The following NMUR1 variants were observed in gnomAD, a reference collection of about 807,000 sequenced individuals.
NMUR1 encodes neuromedin-U receptor 1.
In NMUR1, 16 loss-of-function variants were observed where a neutral mutation model predicts 18.8. That is an observed-to-expected ratio of 0.85 (90% CI 0.58 to 1.29). The LOEUF (loss-of-function observed/expected upper bound fraction) is 1.29, where lower values mean the gene tolerates loss of function less well. Among genes scored for constraint, NMUR1 ranks in the 50% most tolerant of loss-of-function variants. The pLI is 0.00. For synonymous variants in NMUR1, 258 were observed against 258.2 expected, an observed-to-expected ratio of 1.00 and a Z score of 0.01; for missense variants, 529 against 580.3, an observed-to-expected ratio of 0.91 and a Z score of 0.91.
At chr2:231,521,973 CTTT>C (rs10625236), downstream of NMUR1, among the ~76,000 whole-genome samples, 2 of 83,824 alleles carry the variant, frequency 2.4e-5, no homozygotes, top group Non-Finnish European at 4.4e-5. Context: ...TTTTTTTTCT[CTTT>C]TTTTTTTTTT....
At chr2:231,528,017 T>G (rs755719461) in intron 2 of NMUR1, 106 bp downstream of exon 2, 15 of 1,191,284 alleles carry the variant, frequency 1.3e-5, no homozygotes, top group Non-Finnish European at 1.7e-5. Context: ...GAGGAGTTCC[T>G]CGTCCCCCAT....
chr2:231,521,926 G>A (rs150991996), downstream of NMUR1, among the ~76,000 whole-genome samples: 47 of 151,098 alleles, frequency 3.1e-4, no homozygotes, highest in African/African-American at 9.7e-4. Context: ...GACGTGCTGC[G>A]GAGACATACA....
chr2:231,525,556 G>T, intron 2 of NMUR1, 131 bp from the exon 3 acceptor site: 1 of 1,059,918 alleles, frequency 9.4e-7, no homozygotes, highest in Non-Finnish European at 1.3e-6. Flanking sequence ...TCACCCAGGT[G>T]GAAGTTTCTG....
rs2047377295 is a variant in NMUR1, at chr2:231,528,303, A to C, written c.718T>G (p.Phe240Val). Residue 240 changes from phenylalanine (F) to valine (V), a missense_variant, in exon 2 of 3, where the codon TTC (phenylalanine) becomes GTC (valine). Transcript: ENST00000305141. ...MVVQTTALLF[F>V]CLPMAIMSVL... ...CTCATGATGGCCATGGGCAGGCAGA[A>C]GAAGAGCAGCGCGGTGGTCTGCACT... The C allele has an allele frequency of 2.5e-6, 4 of 1,613,324 alleles. No homozygotes were observed. The highest frequency in any genetic ancestry group is 3.4e-6 in the Non-Finnish European group (4 of 1,179,420).
chr2:231,525,016 C>T lies in NMUR1; in HGVS notation c.*27G>A, dbSNP rs2047340357. ...AGCTCCAGGTGACCCTCTGGCCCCTCCAGGTGAAGCCACTTTAAGGCTCCA... is the reference window on the plus strand; with the variant it reads ...AGCTCCAGGTGACCCTCTGGCCCCTTCAGGTGAAGCCACTTTAAGGCTCCA... On this transcript the variant is annotated 3_prime_UTR_variant, in exon 3 of 3. Transcript: ENST00000305141. The T allele has an allele frequency of 6.6e-7, 1 of 1,523,870 alleles. No homozygotes were observed. Among genetic ancestry groups the T allele is most frequent in the African/African-American group, 1.4e-5 (1 of 72,490 alleles). 94.4% of individuals were successfully genotyped at this position (1,523,870 alleles called of 1,614,324 possible).
chr2:231,526,476 G>A (rs920043534), intron 2 of NMUR1, among the ~76,000 whole-genome samples: 10 of 152,208 alleles, frequency 6.6e-5, no homozygotes, highest in Non-Finnish European at 1.5e-4. Context: ...AGCACCTACT[G>A]CAGACTCTGC....
At position 231,526,380 on chromosome 2, in the gene NMUR1, C is replaced by A. The variant is rs185891586; in HGVS notation, c.899-955G>T. On this transcript the variant is annotated intron_variant, in intron 2 of 2. Coordinates refer to ENST00000305141, the MANE Select transcript of NMUR1 (RefSeq NM_006056.5). ...CCTGGCCTGGTGCACAGAGGGCCAGCGGAAAGTGGACAAGGGAGGGAGGGA... is the reference window on the plus strand; with the variant it reads ...CCTGGCCTGGTGCACAGAGGGCCAGAGGAAAGTGGACAAGGGAGGGAGGGA... 3.3e-3 allele frequency among the ~76,000 whole-genome samples: 492 copies of A among 150,062 alleles called. 3 individuals are homozygous for A. The highest frequency in any genetic ancestry group is 0.011 in the African/African-American group (462 of 41,208).
downstream of NMUR1, among the ~76,000 whole-genome samples, chr2:231,521,662 G>A (rs1018647596): frequency 2.0e-5 from 3 of 152,176 alleles, no homozygotes; most frequent in African/African-American, 7.2e-5. Flanking sequence ...ACAGGAGGAG[G>A]AGGGATATGG....
chr2:231,521,973 C>CTTTTTTT (rs10625236), downstream of NMUR1, among the ~76,000 whole-genome samples: 2 of 83,828 alleles, frequency 2.4e-5, no homozygotes, highest in Non-Finnish European at 4.4e-5. Flanking sequence ...TTTTTTTTCT[C>CTTTTTTT]TTTTTTTTTT....
intron 2 of NMUR1, among the ~76,000 whole-genome samples, chr2:231,526,099 C>G (rs2047354243): frequency 6.6e-6 from 1 of 151,806 alleles, no homozygotes; most frequent in South Asian, 2.1e-4. Context: ...CTTGCCCACC[C>G]CCTCCCTAAC....
At chr2:231,518,504 G>A (rs570956341), downstream of NMUR1, among the ~76,000 whole-genome samples, 189 of 152,268 alleles carry the variant, frequency 1.2e-3, no homozygotes, top group African/African-American at 4.2e-3. Flanking sequence ...GAGCCACCGC[G>A]CCCAGCCTAC....
rs768357340 is a variant in NMUR1, at chr2:231,525,000, TGACCCTCTG to T, written c.*34_*42del. 8.6e-6 allele frequency: 13 copies of T among 1,510,260 alleles called. No homozygotes were observed. Among genetic ancestry groups the T allele is most frequent in the Non-Finnish European group, 1.1e-5 (13 of 1,135,580 alleles). 93.6% of individuals were successfully genotyped at this position (1,510,260 alleles called of 1,614,324 possible). A position where few individuals can be genotyped will look rare whatever the true frequency, so the allele number is the denominator to read the frequency against. ...GCAGATGTGTCTCCCCAGCTCCAGG[TGACCCTCTG>T]GCCCCTCCAGGTGAAGCCACTTTAA... On this transcript the variant is annotated 3_prime_UTR_variant, in exon 3 of 3. Coordinates refer to ENST00000305141, the MANE Select transcript of NMUR1 (RefSeq NM_006056.5).
rs1207857016 is a variant in NMUR1, at chr2:231,525,187, G to A, written c.1137C>T (p.Arg379=). The A allele has an allele frequency of 2.3e-5, 37 of 1,614,046 alleles. No homozygotes were observed. In the East Asian group the frequency reaches 7.6e-4, roughly 33 times the overall value. Residue 379 remains arginine (R), a synonymous_variant, in exon 3 of 3, where the codon CGC becomes CGT. Transcript: ENST00000305141. ...TGTGGGAGCTGTGGCGGGGTCTGAGGCGATGGCAGCAGGCCCCGAGGCACA... is the reference window on the plus strand; with the variant it reads ...TGTGGGAGCTGTGGCGGGGTCTGAGACGATGGCAGCAGGCCCCGAGGCACA... ...EALCLGACCH[R]LRPRHSSHSL...
chr2:231,521,665 G>A (rs1193606061), downstream of NMUR1, among the ~76,000 whole-genome samples: 3 of 152,132 alleles, frequency 2.0e-5, no homozygotes, highest in African/African-American at 4.8e-5. Context: ...GGAGGAGGAG[G>A]GATATGGTGA....
In NMUR1 at chr2:231,524,917, G is replaced by A. The variant is rs2047339311; in HGVS notation, c.*126C>T. The A allele has an allele frequency of 2.3e-6, 3 of 1,278,370 alleles. No individual in the cohort carries two copies. Among genetic ancestry groups the A allele is most frequent in the Non-Finnish European group, 2.1e-6 (2 of 946,816 alleles). 79.2% of individuals were successfully genotyped at this position (1,278,370 alleles called of 1,614,324 possible). On this transcript the variant is annotated 3_prime_UTR_variant, in exon 3 of 3. Coordinates refer to ENST00000305141, the MANE Select transcript of NMUR1 (RefSeq NM_006056.5). The stretch of plus-strand genomic sequence containing the variant: ...TCCCTCTGAGGGAAACTGAGGTGCT[G>A]GTCAGAATTTCTAGGCTGAACTAGG...
chr2:231,528,426 G>A lies in NMUR1; in HGVS notation c.595C>T (p.Leu199=), dbSNP rs1216785955. The change falls in exon 2 of 3, where the codon CTG becomes TTG. Residue 199 remains leucine (L), a synonymous_variant. Coordinates refer to ENST00000305141, the MANE Select transcript of NMUR1 (RefSeq NM_006056.5). The part of the protein sequence containing the change: ...AMLCSLPNTS[L]HGIRQLHVPC... ...ACGTGCAGCTGCCGGATGCCGTGCA[G>A]GCTGGTGTTGGGCAGGGAGCAGAGC... 3 of 1,613,734 alleles carry A rather than the reference G, an allele frequency of 1.9e-6. No homozygotes were observed. The highest frequency in any genetic ancestry group is 1.6e-4 in the Middle Eastern group (1 of 6,062).
intron 2 of NMUR1, among the ~76,000 whole-genome samples, chr2:231,527,480 A>G (rs955999483): frequency 8.5e-5 from 13 of 152,078 alleles, no homozygotes; most frequent in African/African-American, 2.9e-4. Flanking sequence ...CCGTCTCTAC[A>G]AAAATGAAAA....
downstream of NMUR1, among the ~76,000 whole-genome samples, chr2:231,522,396 T>G (rs996720925): frequency 1.3e-5 from 2 of 151,984 alleles, no homozygotes; most frequent in Non-Finnish European, 2.9e-5. Flanking sequence ...CTGACTGTGG[T>G]TGAAGCAGGC....
downstream of NMUR1, among the ~76,000 whole-genome samples, chr2:231,521,995 T>TTTTTTG (rs2047309084): frequency 6.8e-6 from 1 of 148,026 alleles, no homozygotes; most frequent in Non-Finnish European, 1.5e-5. Context: ...TTTTTTTTTT[T>TTTTTTG]GAGACAGGGC....
Sources: gnomAD v4.1 joint callset for allele counts (sites outside exome capture counted in the v4.1 genomes callset) on GRCh38, gnomAD v4.1.1 for gene constraint, MANE v1.5 for transcripts, NCBI Gene and HGNC (gene_info 2026-07-23, HGNC 2026-07-21) for gene names.